MYCBP2: variants seen among roughly 807,000 people sequenced by gnomAD.
The protein encoded by MYCBP2 is E3 ubiquitin-protein ligase MYCBP2.
In MYCBP2, 120 loss-of-function variants were observed where a neutral mutation model predicts 525.3. The observed-to-expected ratio is 0.23, with a 90% CI of 0.20 to 0.27. MYCBP2 has a LOEUF of 0.27. MYCBP2 is among the 10% of genes least tolerant of loss of function. The probability of loss-of-function intolerance (pLI) is 1.00; values close to 1 mark genes in which losing one functional copy is unlikely to be tolerated. For missense variants in MYCBP2, 4,149 were observed against 5,657.1 expected (o/e 0.73, Z 8.55); for synonymous variants, 1,894 against 1,955.8 (o/e 0.97, Z 0.83).
intron 1 of MYCBP2, among the ~76,000 whole-genome samples, chr13:77,300,806 C>A (rs1369013992): frequency 1.3e-5 from 2 of 152,072 alleles, no homozygotes; most frequent in Non-Finnish European, 1.5e-5. Context: ...CCAGACTAAC[C>A]AACGTAAGAA....
intron 1 of MYCBP2, among the ~76,000 whole-genome samples, chr13:77,319,102 T>C (rs550396141): frequency 6.6e-6 from 1 of 152,080 alleles, no homozygotes; most frequent in Non-Finnish European, 1.5e-5. Flanking sequence ...TTGGTGCAGT[T>C]TGGGAACGTG....
chr13:77,117,352 G>C (rs2049958142), intron 55 of MYCBP2, among the ~76,000 whole-genome samples: 1 of 151,898 alleles, frequency 6.6e-6, no homozygotes, highest in Admixed American at 6.6e-5. Context: ...TTTCCTAATG[G>C]ATAGTGGAAA....
chr13:77,181,810 T>C lies in MYCBP2; in HGVS notation c.4832A>G (p.Asp1611Gly). The C allele has an allele frequency of 6.2e-7, 1 of 1,614,102 alleles. No individual in the cohort carries two copies. Among genetic ancestry groups the C allele is most frequent in the South Asian group, 1.1e-5 (1 of 91,068 alleles). Residue 1611 changes from aspartate to glycine, a missense_variant, in exon 33 of 83, where the codon GAT (aspartate) becomes GGT (glycine). Asp to Gly is a moderately conservative substitution (Grantham distance 94). Transcript: ENST00000544440. ...AATTGATCGTAGTAATACTTCTCCA[T>C]CATACGCAATCGGGAAGATGGAAGT... ...KLTSIFPIAY[D>G]GEVLLRSIVK...
intron 17 of MYCBP2, among the ~76,000 whole-genome samples, chr13:77,238,982 T>A (rs1036745506): frequency 6.6e-6 from 1 of 152,066 alleles, no homozygotes; most frequent in African/African-American, 2.4e-5. Flanking sequence ...TAGCCAGGTG[T>A]GGTGGTGCAT....
chr13:77,261,163 C>A lies in MYCBP2; in HGVS notation c.1852+8G>T, dbSNP rs1308651236. The A allele has an allele frequency of 1.9e-6, 3 of 1,607,136 alleles. No individual in the cohort carries two copies. Among genetic ancestry groups the A allele is most frequent in the South Asian group, 2.2e-5 (2 of 90,048 alleles). On this transcript the variant is annotated splice_region_variant and intron_variant, in intron 12 of 82. Transcript: ENST00000544440. ...TTTATTAAATGCATAGTTGATCACT[C>A]AACTTACTTGATTCTCCATCTTCTC... is the stretch of plus-strand genomic sequence containing the variant.
At chr13:77,133,662 C>G (rs1022847862) in intron 52 of MYCBP2, among the ~76,000 whole-genome samples, 1 of 152,124 alleles carries the variant, frequency 6.6e-6, no homozygotes, top group South Asian at 2.1e-4. Flanking sequence ...GCTATTCTCC[C>G]CAGTACATAT....
intron 55 of MYCBP2, chr13:77,103,279 C>T (rs2047352782): frequency 2.5e-6 from 1 of 397,472 alleles, no homozygotes; most frequent in Admixed American, 4.4e-5. Context: ...TGTAAATGCG[C>T]TCACGAGAAG....
chr13:77,077,773 GTTC>G (rs1268733267), intron 66 of MYCBP2: 2 of 158,434 alleles, frequency 1.3e-5, no homozygotes, highest in Non-Finnish European at 2.8e-5. Flanking sequence ...TCAGAAAAGG[GTTC>G]TTTTTTTGTG....
At chr13:77,294,244 TC>T (rs2077938224) in intron 2 of MYCBP2, among the ~76,000 whole-genome samples, 1 of 149,656 alleles carries the variant, frequency 6.7e-6, no homozygotes, top group African/African-American at 2.5e-5. Flanking sequence ...TGAAAAATAA[TC>T]TGGAAAAAGT....
chr13:77,250,040 G>A (rs1048953802), intron 15 of MYCBP2, among the ~76,000 whole-genome samples: 21 of 152,014 alleles, frequency 1.4e-4, no homozygotes, highest in African/African-American at 4.8e-4. Context: ...CGGCTAAAAC[G>A]GTGAAACCCC....
intron 2 of MYCBP2, among the ~76,000 whole-genome samples, chr13:77,295,368 G>A (rs1412394918): frequency 1.3e-5 from 2 of 152,078 alleles, no homozygotes; most frequent in Non-Finnish European, 2.9e-5. Flanking sequence ...TCTTGACCTC[G>A]TGATCTGCCA....
intron 55 of MYCBP2, among the ~76,000 whole-genome samples, chr13:77,111,577 T>C (rs2048829370): frequency 9.4e-6 from 1 of 105,932 alleles, no homozygotes; most frequent in African/African-American, 3.0e-5. Context: ...CCTCAATGCT[T>C]GGCTAATTTT....
intron 55 of MYCBP2, chr13:77,118,451 T>C (rs1035026054): frequency 3.9e-6 from 3 of 764,746 alleles, no homozygotes; most frequent in Admixed American, 3.4e-5. Context: ...GCTGGGAGAT[T>C]GGGTCGTGAC....
chr13:77,146,339 G>GA (rs540610233), intron 47 of MYCBP2, 122 bp from the exon 48 acceptor site: 12 of 463,288 alleles, frequency 2.6e-5, no homozygotes, highest in Non-Finnish European at 3.5e-5. Flanking sequence ...AGGAGAAAAA[G>GA]AAAAAAAATT....
chr13:77,071,194 T>C (rs991472478), intron 68 of MYCBP2, among the ~76,000 whole-genome samples: 1 of 151,938 alleles, frequency 6.6e-6, no homozygotes, highest in African/African-American at 2.4e-5. Flanking sequence ...GCTTATTATG[T>C]GCACGCTGTT....
In MYCBP2 at chr13:77,211,949, G is replaced by T. The variant is rs777114373; in HGVS notation, c.3262+7C>A. 6 of 1,603,456 alleles carry T rather than the reference G, an allele frequency of 3.7e-6. No individual in the cohort carries two copies. The highest frequency in any genetic ancestry group is 5.1e-6 in the Non-Finnish European group (6 of 1,170,638). On this transcript the variant is annotated splice_region_variant and intron_variant, in intron 22 of 82. Coordinates refer to ENST00000544440, the MANE Select transcript of MYCBP2 (RefSeq NM_015057.5). ...TGGAAGGGGCATTTGTTTATTTCTG[G>T]TATTACCTATTATGTGTTTACTGGC...
chr13:77,281,122 T>C (rs977495918), intron 3 of MYCBP2, among the ~76,000 whole-genome samples: 2 of 152,186 alleles, frequency 1.3e-5, no homozygotes, highest in Non-Finnish European at 2.9e-5. Context: ...GTTTGAAGTC[T>C]TATAGTCAAT....
At chr13:77,149,846 C>T (rs529260600) in intron 47 of MYCBP2, among the ~76,000 whole-genome samples, 2 of 152,240 alleles carry the variant, frequency 1.3e-5, no homozygotes, top group South Asian at 2.1e-4. Context: ...CTCACTAGTC[C>T]AACTGATCAG....
intron 55 of MYCBP2, among the ~76,000 whole-genome samples, chr13:77,112,672 C>T (rs2049035959): frequency 6.6e-6 from 1 of 152,090 alleles, no homozygotes; most frequent in Non-Finnish European, 1.5e-5. Flanking sequence ...CTCCTGGCCT[C>T]AAGCCATCCT....
Sources: gnomAD v4.1 joint callset for allele counts (sites outside exome capture counted in the v4.1 genomes callset) on GRCh38, gnomAD v4.1.1 for gene constraint, MANE v1.5 for transcripts, NCBI Gene and HGNC (gene_info 2026-07-23, HGNC 2026-07-21) for gene names.